The following ABCC6 variants were observed in gnomAD, a reference collection of about 807,000 sequenced individuals.
ABCC6 encodes the protein ATP-binding cassette sub-family C member 6.
Under a neutral mutation model 169.5 loss-of-function variants are expected in ABCC6, and 126 were observed. The observed-to-expected ratio is 0.74, with a 90% CI of 0.64 to 0.86. ABCC6 has a LOEUF of 0.86. Among genes scored for constraint, ABCC6 ranks in the 40% least tolerant of loss-of-function variants. The probability of loss-of-function intolerance (pLI) is 0.00; values close to 1 mark genes in which losing one functional copy is unlikely to be tolerated. For missense variants in ABCC6, 1,733 were observed against 1,927.2 expected (o/e 0.90, Z 1.89); for synonymous variants, 752 against 814.7 (o/e 0.92, Z 1.31).
At chr16:16,161,331 C>T in intron 25 of ABCC6, 107 bp downstream of exon 25, 4 of 1,543,090 alleles carry the variant, frequency 2.6e-6, no homozygotes, top group Non-Finnish European at 3.5e-6. Flanking sequence ...GGACTCCACA[C>T]ACCATGTTGG....
At chr16:16,182,072 G>T (rs2047492609) in intron 17 of ABCC6, 1 of 429,946 alleles carries the variant, frequency 2.3e-6, no homozygotes, top group Non-Finnish European at 4.3e-6. Context: ...CCCTTGGTGA[G>T]GCCCAGAGAG....
intron 7 of ABCC6, 47 bp downstream of exon 7, chr16:16,208,681 C>T (rs2048481868): frequency 6.2e-6 from 10 of 1,613,084 alleles, no homozygotes; most frequent in Middle Eastern, 1.7e-4. Flanking sequence ...CAATGATGAG[C>T]TTTTCTGAAG....
chr16:16,169,394 C>T (rs1465724790), intron 22 of ABCC6, among the ~76,000 whole-genome samples: 3 of 152,194 alleles, frequency 2.0e-5, no homozygotes, highest in Non-Finnish European at 4.4e-5. Context: ...GCAGGCAGGC[C>T]TTGCAGACGC....
chr16:16,173,555 AT>A, intron 20 of ABCC6, 151 bp from the exon 21 acceptor site: 1 of 999,310 alleles, frequency 1.0e-6, no homozygotes, highest in Non-Finnish European at 1.5e-6. Context: ...TACTGACCAG[AT>A]ATCACACTTC....
At chr16:16,200,096 C>T (rs1242269137) in intron 9 of ABCC6, among the ~76,000 whole-genome samples, 3 of 151,318 alleles carry the variant, frequency 2.0e-5, no homozygotes, top group Non-Finnish European at 4.4e-5. Flanking sequence ...AAAAATATTT[C>T]TAAAACTCAT....
rs145732294 is a variant in ABCC6 at position 16,167,830 on chromosome 16, C to T, written c.2995+1816G>A. 1.6e-4 allele frequency among the ~76,000 whole-genome samples: 25 copies of T among 152,196 alleles called. No homozygotes were observed. In the East Asian group the frequency reaches 4.6e-3, roughly 28 times the overall value. On this transcript the variant is annotated intron_variant, in intron 22 of 30. Transcript: ENST00000205557. ...ATAACCAATTTCTCTCTCTCAGCTCCCATCTCTCCATCTTTAGGGGAGAGT... is the reference window on the plus strand; with the variant it reads ...ATAACCAATTTCTCTCTCTCAGCTCTCATCTCTCCATCTTTAGGGGAGAGT...
chr16:16,155,807 A>C (rs191016187), intron 27 of ABCC6: 1 of 152,544 alleles, frequency 6.6e-6, no homozygotes, highest in East Asian at 1.9e-4. Flanking sequence ...TAGGCACCGG[A>C]AGTATAGAAA....
intron 10 of ABCC6, among the ~76,000 whole-genome samples, chr16:16,196,550 A>G (rs867637388): frequency 6.6e-6 from 1 of 152,160 alleles, no homozygotes; most frequent in Non-Finnish European, 1.5e-5. Context: ...CTGGGGCAGG[A>G]GTGCTACTGT....
intron 7 of ABCC6, 51 bp from the exon 8 acceptor site, chr16:16,203,664 G>A (rs4780607): frequency 1.1e-4 from 181 of 1,605,502 alleles, no homozygotes; most frequent in East Asian, 2.7e-4. Flanking sequence ...ACTCTCAGCC[G>A]CCAGCGGCAG....
At chr16:16,222,869 C>G (rs1246452789) in intron 1 of ABCC6, among the ~76,000 whole-genome samples, 2 of 152,126 alleles carry the variant, frequency 1.3e-5, no homozygotes, top group African/African-American at 4.8e-5. Flanking sequence ...AGGGGGAAAA[C>G]GAGACTCTAC....
rs1185782286 is a variant in ABCC6, at chr16:16,188,846, G to A, written c.1764C>T (p.Ile588=). 1 of 1,613,842 alleles carries A rather than the reference G, an allele frequency of 6.2e-7. No individual in the cohort carries two copies. The highest frequency in any genetic ancestry group is 1.7e-5 in the Admixed American group (1 of 59,966). The change falls in exon 13 of 31, where the codon ATC becomes ATT. Residue 588 remains isoleucine, a synonymous_variant. Coordinates refer to ENST00000205557, the MANE Select transcript of ABCC6 (RefSeq NM_001171.6). ...CCCACCTCACCTGGACGAGGGAGTG[G>A]ATGGAGAAGGGCAGGAAAGCCTGGG... ...NKAQAFLPFS[I]HSLVQARVSF...
intron 11 of ABCC6, 47 bp downstream of exon 11, chr16:16,192,783 T>C (rs2047905508): frequency 1.3e-6 from 2 of 1,554,150 alleles, no homozygotes; most frequent in African/African-American, 1.4e-5. Context: ...GACCTGTGGC[T>C]TCCTCCCTAC....
At chr16:16,158,672 G>A (rs959267778) in intron 26 of ABCC6, among the ~76,000 whole-genome samples, 16 of 152,126 alleles carry the variant, frequency 1.1e-4, no homozygotes, top group African/African-American at 3.6e-4. Flanking sequence ...TAATGCTACT[G>A]TTATGTTGCT....
In ABCC6 at chr16:16,198,747, A is replaced by C. The variant is rs563334773; in HGVS notation, c.1177-565T>G. Among the ~76,000 whole-genome samples the C allele has an allele frequency of 2.7e-5, 4 of 150,818 alleles. No individual in the cohort carries two copies. The East Asian group carries it at 7.8e-4, about 29-fold the overall frequency. Reference sequence around the variant, plus strand: ...GGTGCCTCACGTCTATAATCCCAGCACTTTGGGAGGCCGAGGTGGACAGAT... The same window carrying C: ...GGTGCCTCACGTCTATAATCCCAGCCCTTTGGGAGGCCGAGGTGGACAGAT... On this transcript the variant is annotated intron_variant, in intron 9 of 30. Transcript: ENST00000205557.
intron 11 of ABCC6, among the ~76,000 whole-genome samples, chr16:16,192,031 C>A (rs887456430): frequency 7.2e-5 from 11 of 152,162 alleles, no homozygotes; most frequent in Non-Finnish European, 1.6e-4. Context: ...CAAAAACAAT[C>A]CCAGGGCAGG....
At chr16:16,179,624 T>C (rs927005210) in intron 17 of ABCC6, among the ~76,000 whole-genome samples, 1 of 152,152 alleles carries the variant, frequency 6.6e-6, no homozygotes, top group African/African-American at 2.4e-5. Context: ...AGTTTTGCTC[T>C]TGTCACCCAG....
intron 25 of ABCC6, 56 bp from the exon 26 acceptor site, chr16:16,159,639 A>C: frequency 6.5e-7 from 1 of 1,530,388 alleles, no homozygotes. Context: ...AGGGCTTGCA[A>C]CAGCCCCCCT....
At chr16:16,206,827 C>T (rs1278540604) in intron 7 of ABCC6, among the ~76,000 whole-genome samples, 1 of 152,124 alleles carries the variant, frequency 6.6e-6, no homozygotes, top group Non-Finnish European at 1.5e-5. Context: ...TCTGCCACTT[C>T]CGTAAAATCA....
chr16:16,195,623 T>A (rs1204785595), intron 10 of ABCC6, among the ~76,000 whole-genome samples: 2 of 152,180 alleles, frequency 1.3e-5, no homozygotes, highest in African/African-American at 4.8e-5. Flanking sequence ...TGGTCTCATC[T>A]GATTTTTAGC....
Sources: allele counts gnomAD v4.1 joint callset (sites outside exome capture counted in the v4.1 genomes callset), GRCh38; gene constraint gnomAD v4.1.1; transcripts MANE v1.5; gene names NCBI Gene and HGNC (gene_info 2026-07-23, HGNC 2026-07-21).